Variants in GRIA3 observed in about 807,000 individuals in gnomAD.
GRIA3 encodes glutamate receptor 3.
GRIA3 carries 3 observed loss-of-function variants against 63.0 expected under a neutral mutation model. That is an observed-to-expected ratio of 0.05 (90% CI 0.02 to 0.12). GRIA3 has a LOEUF of 0.12. GRIA3 is among the 10% of genes least tolerant of loss of function. The probability of loss-of-function intolerance (pLI) is 1.00; values close to 1 mark genes in which losing one functional copy is unlikely to be tolerated. For missense variants in GRIA3, 347 were observed against 700.9 expected (o/e 0.50, Z 5.70); for synonymous variants, 274 against 257.9 (o/e 1.06, Z -0.60).
chrX:123,228,320 CATT>C (rs1361571948), intron 2 of GRIA3, among the ~76,000 whole-genome samples: 3 of 111,307 alleles, frequency 2.7e-5, no homozygotes, highest in Non-Finnish European at 5.7e-5. Flanking sequence ...AGAGAAAAGA[CATT>C]ATAGTAAATT....
intron 4 of GRIA3, among the ~76,000 whole-genome samples, chrX:123,338,757 G>A (rs12558378): frequency 0.12 from 13,289 of 110,797 alleles, 765 homozygotes; most frequent in South Asian, 0.28. Flanking sequence ...TTACCATACT[G>A]GTCAGGCTAG....
chrX:123,450,937 A>G (rs931164249), intron 12 of GRIA3, among the ~76,000 whole-genome samples: 1 of 112,128 alleles, frequency 8.9e-6, no homozygotes, highest in Non-Finnish European at 1.9e-5. Flanking sequence ...GAATAGCGTT[A>G]GCAAAGGCCC....
At chrX:123,344,146 G>A (rs946577495) in intron 4 of GRIA3, among the ~76,000 whole-genome samples, 1 of 111,761 alleles carries the variant, frequency 8.9e-6, no homozygotes, top group African/African-American at 3.2e-5. Flanking sequence ...ATGCTTTACT[G>A]CCCAACTCAC....
At chrX:123,299,335 C>T (rs1179409382) in intron 3 of GRIA3, among the ~76,000 whole-genome samples, 1 of 111,506 alleles carries the variant, frequency 9.0e-6, no homozygotes, top group Admixed American at 9.5e-5. Flanking sequence ...GCCATTTTCA[C>T]GATATTGATT....
At chrX:123,312,943 T>C (rs979259943) in intron 3 of GRIA3, among the ~76,000 whole-genome samples, 5 of 111,679 alleles carry the variant, frequency 4.5e-5, no homozygotes, top group Non-Finnish European at 9.4e-5. Flanking sequence ...AATGAAGAGA[T>C]TGGGACCATC....
intron 12 of GRIA3, among the ~76,000 whole-genome samples, chrX:123,464,069 A>T (rs1305513499): frequency 9.0e-6 from 1 of 111,106 alleles, no homozygotes; most frequent in African/African-American, 3.3e-5. Flanking sequence ...AGAGATGAGA[A>T]GGGGACATAA....
At chrX:123,361,587 A>G (rs1044526384) in intron 5 of GRIA3, among the ~76,000 whole-genome samples, 5 of 111,696 alleles carry the variant, frequency 4.5e-5, no homozygotes, top group Non-Finnish European at 9.4e-5. Context: ...ACTTCCTGCC[A>G]TGCATTTCAA....
chrX:123,345,528 A>T (rs2045042874), intron 4 of GRIA3, among the ~76,000 whole-genome samples: 1 of 107,884 alleles, frequency 9.3e-6, no homozygotes, highest in Admixed American at 1.0e-4. Context: ...GTAGAGTTTG[A>T]GTTCATGGTT....
intron 4 of GRIA3, among the ~76,000 whole-genome samples, chrX:123,327,396 G>A (rs949245648): frequency 9.0e-6 from 1 of 111,216 alleles, no homozygotes; most frequent in Non-Finnish European, 1.9e-5. Context: ...ATGTGCCCAC[G>A]CTGCCATAAA....
chrX:123,301,914 T>C (rs1317506353), intron 3 of GRIA3, among the ~76,000 whole-genome samples: 1 of 111,994 alleles, frequency 8.9e-6, no homozygotes, highest in Non-Finnish European at 1.9e-5. Flanking sequence ...ATTTCACTAT[T>C]TGCAACAAAA....
At chrX:123,209,811 C>G (rs1015496590) in intron 2 of GRIA3, among the ~76,000 whole-genome samples, 1 of 110,962 alleles carries the variant, frequency 9.0e-6, no homozygotes, top group African/African-American at 3.3e-5. Flanking sequence ...GGTTTCAGTA[C>G]AAATTTCAGG....
intron 15 of GRIA3, among the ~76,000 whole-genome samples, chrX:123,483,520 G>A (rs959702164): frequency 5.1e-4 from 57 of 112,323 alleles, no homozygotes; most frequent in Middle Eastern, 4.6e-3. Context: ...TATATTTTAT[G>A]CTTATGGTAC....
chrX:123,257,467 AGAAGGAAG>A (rs1277261910), intron 3 of GRIA3, among the ~76,000 whole-genome samples: 1 of 100,195 alleles, frequency 1.0e-5, no homozygotes, highest in African/African-American at 3.6e-5. Flanking sequence ...GAGAAAGAAG[AGAAGGAAG>A]GAAGGAAGGA....
intron 2 of GRIA3, among the ~76,000 whole-genome samples, chrX:123,249,003 G>T (rs1322340301): frequency 8.9e-6 from 1 of 111,826 alleles, no homozygotes; most frequent in Admixed American, 9.4e-5. Flanking sequence ...ATGCTACCTT[G>T]TCTGAGGGCT....
At chrX:123,455,623 G>A (rs2045757332) in intron 12 of GRIA3, among the ~76,000 whole-genome samples, 3 of 111,875 alleles carry the variant, frequency 2.7e-5, no homozygotes, top group Admixed American at 9.5e-5. Flanking sequence ...CTATAGCAGG[G>A]TTACAATGAG....
At chrX:123,466,465 T>C (rs2045834600) in intron 13 of GRIA3, among the ~76,000 whole-genome samples, 1 of 112,149 alleles carries the variant, frequency 8.9e-6, no homozygotes, top group Non-Finnish European at 1.9e-5. Context: ...TATGAATCCC[T>C]GATTTAGCTT....
intron 2 of GRIA3, among the ~76,000 whole-genome samples, chrX:123,221,378 A>G (rs1433038395): frequency 8.9e-6 from 1 of 112,362 alleles, no homozygotes; most frequent in African/African-American, 3.2e-5. Context: ...GTAGAAATAC[A>G]GCTTATATTG....
rs6649010 is a variant in GRIA3, at chrX:123,433,646, T to A, written c.2076+5507T>A. Among the ~76,000 whole-genome samples the A allele has an allele frequency of 2.7e-3, 305 of 112,048 alleles. 1 individual carries two copies. The highest frequency in any genetic ancestry group is 9.6e-3 in the African/African-American group (297 of 30,870). On this transcript the variant is annotated intron_variant, in intron 12 of 15. Coordinates refer to ENST00000620443, the MANE Select transcript of GRIA3 (RefSeq NM_007325.5). Reference sequence around the variant, plus strand: ...TTGGGGGATAAAAGGAATTCTTTTTTAAAAATGAAATGTTTAACATTAATT... The same window carrying A: ...TTGGGGGATAAAAGGAATTCTTTTTAAAAAATGAAATGTTTAACATTAATT...
intron 11 of GRIA3, among the ~76,000 whole-genome samples, chrX:123,421,113 A>ATTATT (rs2045562324): frequency 1.8e-5 from 2 of 111,596 alleles, no homozygotes; most frequent in Non-Finnish European, 3.8e-5. Flanking sequence ...ACAGAATAAC[A>ATTATT]CTAGCCTAGA....
Sources: allele counts gnomAD v4.1 joint callset (sites outside exome capture counted in the v4.1 genomes callset), GRCh38; gene constraint gnomAD v4.1.1; transcripts MANE v1.5; gene names NCBI Gene and HGNC (gene_info 2026-07-23, HGNC 2026-07-21).